TSGA10: variants seen among roughly 807,000 people sequenced by gnomAD.
The protein encoded by TSGA10 is testis-specific gene 10 protein.
Under a neutral mutation model 96.6 loss-of-function variants are expected in TSGA10, and 43 were observed. That is an observed-to-expected ratio of 0.44 (90% CI 0.35 to 0.57). TSGA10 has a LOEUF of 0.57. Among genes scored for constraint, TSGA10 ranks in the 20% least tolerant of loss-of-function variants. The pLI is 0.01. For synonymous variants in TSGA10, 229 were observed against 269.9 expected, an observed-to-expected ratio of 0.85 and a Z score of 1.48; for missense variants, 703 against 834.4, an observed-to-expected ratio of 0.84 and a Z score of 1.94.
chr2:99,018,472 CT>C, intron 19 of TSGA10, 63 bp downstream of exon 19: 1 of 1,577,980 alleles, frequency 6.3e-7, no homozygotes, highest in East Asian at 2.2e-5. Context: ...CTCTTGTTAC[CT>C]AAGAAACAAT....
At chr2:99,018,162 A>G (rs760742341) in intron 20 of TSGA10, 38 bp downstream of exon 20, 1 of 1,612,130 alleles carries the variant, frequency 6.2e-7, no homozygotes, top group Admixed American at 1.7e-5. Flanking sequence ...AGATACTGCT[A>G]TTTGATCTCA....
chr2:99,008,153 A>T (rs1292543595), intron 20 of TSGA10, among the ~76,000 whole-genome samples: 2 of 152,200 alleles, frequency 1.3e-5, no homozygotes, highest in Non-Finnish European at 2.9e-5. Flanking sequence ...AAGATTTGCT[A>T]ACTGTGAATA....
intron 17 of TSGA10, among the ~76,000 whole-genome samples, chr2:99,032,226 T>C (rs6707462): frequency 0.58 from 87,964 of 151,946 alleles, 27,094 homozygotes; most frequent in African/African-American, 0.8. Context: ...GTCTCAGTCA[T>C]AGTTTTGGTA....
At chr2:99,026,401 C>T (rs2080565010) in intron 17 of TSGA10, among the ~76,000 whole-genome samples, 1 of 151,874 alleles carries the variant, frequency 6.6e-6, no homozygotes, top group Admixed American at 6.6e-5. Context: ...CAAAAATATA[C>T]AGTCAGACTT....
intron 1 of TSGA10, among the ~76,000 whole-genome samples, chr2:99,138,708 C>A (rs1327385056): frequency 6.6e-6 from 1 of 152,206 alleles, no homozygotes; most frequent in Non-Finnish European, 1.5e-5. Context: ...CCTTAATTCT[C>A]TTTACATAAG....
intron 16 of TSGA10, among the ~76,000 whole-genome samples, chr2:99,062,025 A>T (rs1387527465): frequency 1.3e-5 from 2 of 152,240 alleles, no homozygotes; most frequent in African/African-American, 4.8e-5. Context: ...CTGTGATCTT[A>T]GATTTCCAGT....
chr2:99,020,538 A>G (rs2079903347), intron 17 of TSGA10, 56 bp from the exon 18 acceptor site: 2 of 1,348,316 alleles, frequency 1.5e-6, no homozygotes. Flanking sequence ...CTTAACTATT[A>G]TATTATCAGG....
intron 16 of TSGA10, among the ~76,000 whole-genome samples, chr2:99,050,308 C>A (rs895677440): frequency 7.2e-5 from 11 of 152,024 alleles, no homozygotes; most frequent in African/African-American, 2.7e-4. Flanking sequence ...CAAAATACTC[C>A]AAAATCCGAA....
At chr2:99,118,266 C>T (rs2092381841) in intron 3 of TSGA10, among the ~76,000 whole-genome samples, 1 of 151,638 alleles carries the variant, frequency 6.6e-6, no homozygotes, top group Non-Finnish European at 1.5e-5. Context: ...GCCTCGCCAA[C>T]ATGGTGAAAC....
chr2:99,154,863 C>A lies in TSGA10; in HGVS notation c.-791G>T. On this transcript the variant is annotated 5_prime_UTR_variant, in exon 1 of 21. Coordinates refer to ENST00000393483, the MANE Select transcript of TSGA10 (RefSeq NM_025244.4). ...TAGCACTCCTGCGGGCTGCCGGGAC[C>A]CCACGGCTCCGCAGGCGGAGAGACT... The A allele has an allele frequency of 2.8e-6, 1 of 352,948 alleles. No homozygotes were observed. The highest frequency in any genetic ancestry group is 7.9e-5 in the East Asian group (1 of 12,674). The allele number at this position is 352,948 out of a possible 1,614,324, so 21.9% of individuals were successfully genotyped here.
chr2:99,101,933 T>C, intron 10 of TSGA10: 1 of 669,956 alleles, frequency 1.5e-6, no homozygotes, highest in Non-Finnish European at 2.6e-6. Context: ...GGTTCAGTTG[T>C]GCAACACGAA....
chr2:99,101,803 A>G (rs746951841), intron 10 of TSGA10, among the ~76,000 whole-genome samples: 3 of 152,178 alleles, frequency 2.0e-5, no homozygotes, highest in Admixed American at 1.3e-4. Context: ...GAGAAATACT[A>G]CTCAATACTC....
At chr2:99,000,038 G>A (rs1199584254) in intron 20 of TSGA10, among the ~76,000 whole-genome samples, 1 of 152,188 alleles carries the variant, frequency 6.6e-6, no homozygotes, top group Non-Finnish European at 1.5e-5. Context: ...TTACACGTGT[G>A]AGCAACCACG....
chr2:99,026,130 T>C (rs889363089), intron 17 of TSGA10, among the ~76,000 whole-genome samples: 1 of 152,188 alleles, frequency 6.6e-6, no homozygotes, highest in African/African-American at 2.4e-5. Context: ...AAATCTTATA[T>C]TTCCTTGTTG....
At chr2:99,027,787 GTTTCTTTTGTTTGCTTTAT>G (rs2080764027) in intron 17 of TSGA10, among the ~76,000 whole-genome samples, 1 of 152,122 alleles carries the variant, frequency 6.6e-6, no homozygotes, top group African/African-American at 2.4e-5. Context: ...CTAAAAGACA[GTTTCTTTTGTTTGCTTTAT>G]TTTCCTATGG....
chr2:99,080,688 T>C (rs760907608), intron 11 of TSGA10, among the ~76,000 whole-genome samples: 17 of 152,190 alleles, frequency 1.1e-4, no homozygotes, highest in Non-Finnish European at 1.9e-4. Flanking sequence ...AACTATATAA[T>C]AGCAAGTGTT....
At chr2:99,064,167 A>G (rs879241593) in intron 16 of TSGA10, among the ~76,000 whole-genome samples, 2 of 152,208 alleles carry the variant, frequency 1.3e-5, no homozygotes, top group Admixed American at 1.3e-4. Flanking sequence ...AGGCATAAAT[A>G]TAGGGAAACA....
intron 1 of TSGA10, among the ~76,000 whole-genome samples, chr2:99,149,835 C>G (rs1445489114): frequency 1.4e-5 from 2 of 146,406 alleles, no homozygotes; most frequent in African/African-American, 5.1e-5. Context: ...TCTTGTCGCC[C>G]AGGCTGGAGT....
intron 1 of TSGA10, chr2:99,147,148 G>A (rs1210780255): frequency 3.6e-6 from 1 of 275,782 alleles, no homozygotes; most frequent in Non-Finnish European, 6.7e-6. Context: ...TTCACTTTGT[G>A]GCATATCTTT....
Sources: gnomAD v4.1 joint callset for allele counts (sites outside exome capture counted in the v4.1 genomes callset) on GRCh38, gnomAD v4.1.1 for gene constraint, MANE v1.5 for transcripts, NCBI Gene and HGNC (gene_info 2026-07-23, HGNC 2026-07-21) for gene names.